Variants in MORC1 observed in about 807,000 individuals in gnomAD.
MORC1 encodes MORC family CW-type zinc finger protein 1.
MORC1 carries 59 observed loss-of-function variants against 134.9 expected under a neutral mutation model. The ratio of observed to expected loss-of-function variants is 0.44; its 90% CI spans 0.35 to 0.54. The LOEUF (loss-of-function observed/expected upper bound fraction) is 0.54. Ranked by LOEUF, MORC1 falls within the 20% of genes least tolerant of loss-of-function variation. The pLI, the probability that MORC1 is intolerant of heterozygous loss-of-function variation, is 0.00. For synonymous variants in MORC1, 395 were observed against 391.7 expected, an observed-to-expected ratio of 1.01 and a Z score of -0.10; for missense variants, 947 against 1,134.5, an observed-to-expected ratio of 0.83 and a Z score of 2.37.
intron 8 of MORC1, among the ~76,000 whole-genome samples, chr3:109,090,972 A>T (rs1194256180): frequency 6.6e-6 from 1 of 152,090 alleles, no homozygotes; most frequent in African/African-American, 2.4e-5. Flanking sequence ...TAAATGAAAG[A>T]GGACTCAGAA....
intron 21 of MORC1, among the ~76,000 whole-genome samples, chr3:108,990,816 C>G (rs1318717789): frequency 6.6e-6 from 1 of 151,826 alleles, no homozygotes; most frequent in Non-Finnish European, 1.5e-5. Flanking sequence ...GTGCTGCTGA[C>G]AGTGGTGATG....
In MORC1 at chr3:109,110,791, C is replaced by A; in HGVS notation, c.120-8G>T. 1 of 1,580,896 alleles carries A rather than the reference C, an allele frequency of 6.3e-7. No homozygotes were observed. The highest frequency in any genetic ancestry group is 8.6e-7 in the Non-Finnish European group (1 of 1,168,192). On this transcript the variant is annotated splice_region_variant and splice_polypyrimidine_tract_variant and intron_variant, in intron 2 of 27. Transcript: ENST00000232603. ...CTTTCAGCCCCTGCATCTCTGGAAA[C>A]AATACAAAAATATTATTTCTTCAAT... is the stretch of plus-strand genomic sequence containing the variant.
At chr3:109,012,115 T>C (rs896113759) in intron 17 of MORC1, among the ~76,000 whole-genome samples, 2 of 152,204 alleles carry the variant, frequency 1.3e-5, no homozygotes, top group Admixed American at 6.5e-5. Context: ...CAAAATAATG[T>C]TGTATATGAC....
chr3:109,066,049 T>C (rs1445650613), intron 9 of MORC1, among the ~76,000 whole-genome samples: 1 of 151,846 alleles, frequency 6.6e-6, no homozygotes, highest in African/African-American at 2.4e-5. Context: ...GGGGCATGGG[T>C]AGAAATGATC....
chr3:108,996,286 G>GCGCGTGCACACACACACACACACACACA, intron 21 of MORC1, among the ~76,000 whole-genome samples: 2 of 146,382 alleles, frequency 1.4e-5, no homozygotes, highest in African/African-American at 5.1e-5. Flanking sequence ...GCGCGCGCGC[G>GCGCGTGCACACACACACACACACACACA]CACACACACA....
chr3:109,114,683 C>G (rs373025253), intron 1 of MORC1, among the ~76,000 whole-genome samples: 3 of 152,048 alleles, frequency 2.0e-5, no homozygotes, highest in African/African-American at 7.2e-5. Flanking sequence ...AATTTAAGGG[C>G]CTTAGTATCT....
chr3:109,047,083 CA>C (rs1213710982), intron 14 of MORC1, among the ~76,000 whole-genome samples: 1 of 152,164 alleles, frequency 6.6e-6, no homozygotes, highest in Non-Finnish European at 1.5e-5. Flanking sequence ...CATATTACTT[CA>C]AAGATGCATT....
At chr3:109,078,781 G>C (rs1559939939) in intron 8 of MORC1, among the ~76,000 whole-genome samples, 1 of 151,848 alleles carries the variant, frequency 6.6e-6, no homozygotes, top group Non-Finnish European at 1.5e-5. Context: ...GGCCAAGAAA[G>C]AGAGATGGGA....
chr3:109,012,174 A>G (rs1948701622), intron 17 of MORC1, among the ~76,000 whole-genome samples: 1 of 152,184 alleles, frequency 6.6e-6, no homozygotes, highest in Non-Finnish European at 1.5e-5. Context: ...ATGGCTATCC[A>G]AATGTTTTGG....
At chr3:109,002,750 C>A (rs1473877903) in intron 20 of MORC1, among the ~76,000 whole-genome samples, 1 of 152,128 alleles carries the variant, frequency 6.6e-6, no homozygotes, top group Non-Finnish European at 1.5e-5. Flanking sequence ...CTAAAGAAAA[C>A]TCTGGTCATG....
chr3:109,015,353 TAGA>T (rs977744850), intron 17 of MORC1, among the ~76,000 whole-genome samples: 1 of 152,190 alleles, frequency 6.6e-6, no homozygotes, highest in African/African-American at 2.4e-5. Flanking sequence ...GATCTATACC[TAGA>T]AGATTATACC....
At chr3:109,005,357 C>A (rs1948514231) in intron 18 of MORC1, 42 bp from the exon 19 acceptor site, 2 of 1,503,122 alleles carry the variant, frequency 1.3e-6, no homozygotes, top group East Asian at 2.3e-5. Flanking sequence ...TGGTAGATAG[C>A]CTATTTATAA....
intron 14 of MORC1, among the ~76,000 whole-genome samples, chr3:109,052,036 C>T (rs143766839): frequency 3.9e-5 from 6 of 152,242 alleles, no homozygotes; most frequent in East Asian, 1.9e-4. Context: ...AGACAAGGAA[C>T]GGATTACAGC....
rs754525070 is a variant in MORC1, at chr3:108,969,672, G to C, written c.2601C>G (p.Asn867Lys). The C allele has an allele frequency of 6.2e-7, 1 of 1,613,452 alleles. No homozygotes were observed. The highest frequency in any genetic ancestry group is 8.5e-7 in the Non-Finnish European group (1 of 1,179,532). Reference sequence around the variant, plus strand: ...GTGATACTGAAAGGAAGCTTACCTGGTTGAAACACATTTTCAGCTTTTTGT... The same window carrying C: ...GTGATACTGAAAGGAAGCTTACCTGCTTGAAACACATTTTCAGCTTTTTGT... ...QMNKKLKMCF[N>K]QIQNTYMVQY... Residue 867 changes from asparagine (N) to lysine (K), a missense_variant, in exon 26 of 28, where the codon AAC (asparagine) becomes AAG (lysine). By Grantham distance (94) the Asn-to-Lys change is moderately conservative. Coordinates refer to ENST00000232603, the MANE Select transcript of MORC1 (RefSeq NM_014429.4).
chr3:108,979,243 A>G (rs2953337), intron 24 of MORC1, among the ~76,000 whole-genome samples: 61,606 of 152,010 alleles, frequency 0.41, 13,028 homozygotes, highest in Middle Eastern at 0.56. Context: ...GAAAAAAGAA[A>G]GAAAATTCAG....
Position 109,069,632 on chromosome 3 carries a change from C to A in MORC1, c.815G>T (p.Arg272Ile). ...AGATAACTGAAGAAAGATGAGTTAC[C>A]TGGGTCTGTAGAGGCAATAGCAAAG... ...KHLCYCLYRP[R>I]KYLYVTSSFK... The change falls in exon 9 of 28, where the codon AGA becomes ATA. Residue 272 changes from arginine to isoleucine, a missense_variant and splice_region_variant. By Grantham distance (97) the Arg-to-Ile change is moderately conservative (BLOSUM62 -3). Around this residue, in one of 3 missense-constraint regions of MORC1, gnomAD observed 722 missense variants for 817.0 expected, o/e 0.88. Transcript: ENST00000232603. The A allele has an allele frequency of 6.4e-7, 1 of 1,572,738 alleles. No homozygotes were observed. Among genetic ancestry groups the A allele is most frequent in the Non-Finnish European group, 8.7e-7 (1 of 1,155,886 alleles).
chr3:109,075,722 TC>T (rs1476864545), intron 8 of MORC1, among the ~76,000 whole-genome samples: 1 of 152,140 alleles, frequency 6.6e-6, no homozygotes, highest in Non-Finnish European at 1.5e-5. Flanking sequence ...TAGTTTGAAG[TC>T]AGGTAGCATG....
intron 4 of MORC1, among the ~76,000 whole-genome samples, chr3:109,103,556 AT>A (rs1426722956): frequency 1.3e-5 from 2 of 152,194 alleles, no homozygotes; most frequent in Non-Finnish European, 2.9e-5. Context: ...TTCAGTGACT[AT>A]TTGTTTTCCA....
At chr3:109,091,712 C>T (rs965570292) in intron 8 of MORC1, among the ~76,000 whole-genome samples, 2 of 152,048 alleles carry the variant, frequency 1.3e-5, no homozygotes, top group African/African-American at 4.8e-5. Context: ...ATCCTCTTTA[C>T]AGTGATTCCT....
Sources: allele counts gnomAD v4.1 joint callset (sites outside exome capture counted in the v4.1 genomes callset), GRCh38; gene constraint gnomAD v4.1.1; regional missense constraint gnomAD v4.1.1; transcripts MANE v1.5; gene names NCBI Gene and HGNC (gene_info 2026-07-23, HGNC 2026-07-21).